TRPV2: variants seen among roughly 807,000 people sequenced by gnomAD.
TRPV2 encodes transient receptor potential cation channel subfamily V member 2.
TRPV2 carries 58 observed loss-of-function variants against 91.0 expected under a neutral mutation model. The observed-to-expected ratio is 0.64, with a 90% CI of 0.52 to 0.79. The LOEUF is 0.79. TRPV2 is among the 30% of genes least tolerant of loss of function. The pLI is 0.00. For synonymous variants in TRPV2, 417 were observed against 414.8 expected (o/e 1.01, Z -0.06); for missense variants, 807 against 969.6 (o/e 0.83, Z 2.23).
rs1192270299 is a variant in TRPV2 at position 16,426,063 on chromosome 17, G to C, written c.925-36G>C. ...TTGGCCCAGGATCAGTGCCAGGAAG[G>C]GACCATGAATGCAAGCTCATATGGC... On this transcript the variant is annotated intron_variant, in intron 5 of 14. Transcript: ENST00000338560. This position sits in a 1 kb window ranked among gnomAD's most constrained non-coding sequence, Gnocchi z 6.0. The C allele has an allele frequency of 6.2e-7, 1 of 1,611,704 alleles. No individual in the cohort carries two copies. The highest frequency in any genetic ancestry group is 8.5e-7 in the Non-Finnish European group (1 of 1,178,256).
intron 9 of TRPV2, 56 bp from the exon 10 acceptor site, chr17:16,428,761 G>C: frequency 6.2e-7 from 1 of 1,604,410 alleles, no homozygotes; most frequent in Non-Finnish European, 8.5e-7. Flanking sequence ...ATAGGCCAGT[G>C]GGGGCTCAGG....
rs558301965 is a variant in TRPV2, at chr17:16,422,151, A to G, written c.335-448A>G. Among the ~76,000 whole-genome samples, 29 of 151,954 alleles carry G rather than the reference A, an allele frequency of 1.9e-4. No homozygotes were observed. The South Asian group carries it at 2.1e-3, about 11-fold the overall frequency. ...AACCCGTCTCTGCTGAAAACAAAAA[A>G]CAAAACAAAACAACAAAAAAAATTA... On this transcript the variant is annotated intron_variant, in intron 3 of 14. Transcript: ENST00000338560.
Position 16,432,119 on chromosome 17 carries a change from T to G in TRPV2, c.1808T>G (p.Phe603Cys), listed in dbSNP as rs907287227. 1 of 1,614,206 alleles carries G rather than the reference T, an allele frequency of 6.2e-7. No individual in the cohort carries two copies. The highest frequency in any genetic ancestry group is 8.5e-7 in the Non-Finnish European group (1 of 1,180,034). ...GAAGCCTCCTTGGAGCTCTTCAAATTCACCATCGGCATGGGCGAGCTGGCC... is the reference window on the plus strand; with the variant it reads ...GAAGCCTCCTTGGAGCTCTTCAAATGCACCATCGGCATGGGCGAGCTGGCC... ...ILEASLELFK[F>C]TIGMGELAFQ... Residue 603 changes from phenylalanine to cysteine, a missense_variant, in exon 12 of 15, where the codon TTC (phenylalanine) becomes TGC (cysteine). Physicochemically the swap from Phe to Cys is radical, Grantham distance 205. Transcript: ENST00000338560.
At chr17:16,427,342 G>T (rs1358036022) in intron 7 of TRPV2, 107 bp from the exon 8 acceptor site, 1 of 1,044,812 alleles carries the variant, frequency 9.6e-7, no homozygotes, top group Non-Finnish European at 1.4e-6. Flanking sequence ...GTTCTGAGGA[G>T]CCTCTCCACA....
chr17:16,428,610 AC>A, intron 9 of TRPV2: 1 of 706,838 alleles, frequency 1.4e-6, no homozygotes, highest in Non-Finnish European at 2.4e-6. Flanking sequence ...AGGCCTCGGC[AC>A]ATACCTGTTT....
At chr17:16,431,131 C>T (rs12938762) in intron 10 of TRPV2, among the ~76,000 whole-genome samples, 12,809 of 148,188 alleles carry the variant, frequency 0.086, 776 homozygotes, top group Non-Finnish European at 0.14. Flanking sequence ...AGCTCATTGC[C>T]GCCTTGACAT....
At position 16,431,876 on chromosome 17, in the gene TRPV2, C is replaced by T. The variant is rs769207586; in HGVS notation, c.1654+26C>T. The stretch of plus-strand genomic sequence containing the variant: ...GTAAAGGCTCCCTCCGGCCCCCTCC[C>T]CCTTCCCCACGTTCCTTGTCCACCC... On this transcript the variant is annotated intron_variant, in intron 11 of 14. Transcript: ENST00000338560. 1.8e-5 allele frequency: 29 copies of T among 1,613,986 alleles called. 1 individual carries two copies. The South Asian group carries it at 3.2e-4, about 18-fold the overall frequency.
In TRPV2 at chr17:16,421,545, G is replaced by A. The variant is rs139033431; in HGVS notation, c.335-1054G>A. 4.2e-3 allele frequency among the ~76,000 whole-genome samples: 528 copies of A among 126,292 alleles called. 3 individuals are homozygous for A. Among genetic ancestry groups the A allele is most frequent in the African/African-American group, 0.016 (514 of 32,460 alleles). The allele number at this position is 126,292 out of a possible 152,430, so 82.9% of individuals were successfully genotyped here. On this transcript the variant is annotated intron_variant, in intron 3 of 14. Coordinates refer to ENST00000338560, the MANE Select transcript of TRPV2 (RefSeq NM_016113.5). ...TTTTTTTTTTTTTTTTTTCCGAGAC[G>A]GAGTCTTGCTCTGTCACCCAGGCTG... is the stretch of plus-strand genomic sequence containing the variant.
chr17:16,418,064 C>A (rs1037082890), intron 2 of TRPV2, among the ~76,000 whole-genome samples, 196 bp downstream of exon 2: 1 of 152,240 alleles, frequency 6.6e-6, no homozygotes, highest in Non-Finnish European at 1.5e-5. Flanking sequence ...TTTCCAGAGG[C>A]TTCCCCATTC....
At position 16,435,834 on chromosome 17, in the gene TRPV2, T is replaced by C. The variant is rs539287111; in HGVS notation, c.2194+865T>C. Among the ~76,000 whole-genome samples, 2 of 152,260 alleles carry C rather than the reference T, an allele frequency of 1.3e-5. No homozygotes were observed. The highest frequency in any genetic ancestry group is 4.8e-5 in the African/African-American group (2 of 41,562). On this transcript the variant is annotated intron_variant, in intron 14 of 14. Transcript: ENST00000338560. The surrounding 1 kb of genome is among the most constrained non-coding windows in gnomAD (Gnocchi z 4.2). ...TCCCAGGCTCCTGGGCCGTGACCAC[T>C]GCCTCACATACAGATAGGTTTCCCT...
rs187403204 is a variant in TRPV2, at chr17:16,422,101, G to C, written c.335-498G>C. ...GGGCAGATCATGAGATCAGGAGATC[G>C]AGACCATCCTGGCTAACACGGTAAA... On this transcript the variant is annotated intron_variant, in intron 3 of 14. Transcript: ENST00000338560. Among the ~76,000 whole-genome samples, 672 of 151,734 alleles carry C rather than the reference G, an allele frequency of 4.4e-3. 4 individuals carry two copies. The highest frequency in any genetic ancestry group is 0.016 in the African/African-American group (649 of 41,458).
Position 16,426,838 on chromosome 17 carries a change from C to T in TRPV2, c.1212C>T (p.Ile404=), listed in dbSNP as rs200069259. ...NFLCNLIYMF[I]FTAVAYHQPT... is the part of the protein sequence containing the mutation. Reference sequence around the variant, plus strand: ...TGTGTAATCTGATCTACATGTTCATCTTCACCGCTGTTGCCTACCATCAGC... The same window carrying T: ...TGTGTAATCTGATCTACATGTTCATTTTCACCGCTGTTGCCTACCATCAGC... The change falls in exon 7 of 15, where the codon ATC becomes ATT. Residue 404 remains isoleucine, a synonymous_variant. Coordinates refer to ENST00000338560, the MANE Select transcript of TRPV2 (RefSeq NM_016113.5). The surrounding 1 kb of genome is among the most constrained non-coding windows in gnomAD (Gnocchi z 6.0). The T allele has an allele frequency of 2.5e-6, 4 of 1,613,808 alleles. No homozygotes were observed. The highest frequency in any genetic ancestry group is 1.7e-5 in the Admixed American group (1 of 59,972).
intron 14 of TRPV2, among the ~76,000 whole-genome samples, chr17:16,436,470 T>G (rs2093434314): frequency 6.6e-6 from 1 of 152,206 alleles, no homozygotes; most frequent in African/African-American, 2.4e-5. Context: ...CCACCGCCCC[T>G]GCAGGACAGG....
At chr17:16,417,935 G>A (rs1187097483) in intron 2 of TRPV2, 67 bp downstream of exon 2, 3 of 1,452,454 alleles carry the variant, frequency 2.1e-6, no homozygotes, top group East Asian at 4.9e-5. Flanking sequence ...CACCCGGAGT[G>A]AGACTCATTG....
At chr17:16,425,251 C>T (rs1300033702) in intron 5 of TRPV2, among the ~76,000 whole-genome samples, 1 of 151,832 alleles carries the variant, frequency 6.6e-6, no homozygotes, top group South Asian at 2.1e-4. Context: ...CTCAAACTCC[C>T]GACCTCTGGT....
Position 16,436,996 on chromosome 17 carries a change from C to G in TRPV2, c.*107C>G, listed in dbSNP as rs1248347642. On this transcript the variant is annotated 3_prime_UTR_variant, in exon 15 of 15. Transcript: ENST00000338560. ...TTCTGGTGGCAAATATATATTTTCA[C>G]TAACTAACTCTTCTGGAAACATTAT... is the stretch of plus-strand genomic sequence containing the variant. The G allele has an allele frequency of 1.2e-5, 10 of 860,656 alleles. No individual in the cohort carries two copies. The highest frequency in any genetic ancestry group is 1.9e-5 in the Non-Finnish European group (10 of 532,240). The allele number at this position is 860,656 out of a possible 1,614,324, so 53.3% of individuals were successfully genotyped here.
intron 2 of TRPV2, chr17:16,419,196 G>A: frequency 2.6e-6 from 1 of 388,762 alleles, no homozygotes; most frequent in Non-Finnish European, 5.2e-6. Context: ...GGTACCAGAA[G>A]CCCCAGAGGC....
Position 16,432,092 on chromosome 17 carries a change from T to G in TRPV2, c.1781T>G (p.Leu594Arg), listed in dbSNP as rs2093415924. The G allele has an allele frequency of 1.9e-6, 3 of 1,614,220 alleles. No homozygotes were observed. Among genetic ancestry groups the G allele is most frequent in the Non-Finnish European group, 2.5e-6 (3 of 1,180,024 alleles). Residue 594 changes from leucine to arginine, a missense_variant, in exon 12 of 15, where the codon CTG (leucine) becomes CGG (arginine). Leu to Arg is a moderately radical substitution (Grantham distance 102). Coordinates refer to ENST00000338560, the MANE Select transcript of TRPV2 (RefSeq NM_016113.5). ...EGNGAQYRGI[L>R]EASLELFKFT... ...AACGGGGCCCAGTACAGGGGTATCC[T>G]GGAAGCCTCCTTGGAGCTCTTCAAA...
rs150655597 is a variant in TRPV2, at chr17:16,422,633, T to C, written c.369T>C (p.Ala123=). ...GSTGKTCLMK[A]VLNLKDGVNA... The stretch of plus-strand genomic sequence containing the variant: ...CAGGTAAGACGTGCCTGATGAAGGC[T>C]GTGCTGAACCTTAAGGACGGAGTCA... The change falls in exon 4 of 15, where the codon GCT becomes GCC. Residue 123 remains alanine, a synonymous_variant. Transcript: ENST00000338560. The C allele has an allele frequency of 5.0e-4, 813 of 1,614,198 alleles. 7 individuals carry two copies. In the African/African-American group the frequency reaches 9.4e-3, roughly 19 times the overall value.
Sources: gnomAD v4.1 joint callset for allele counts (sites outside exome capture counted in the v4.1 genomes callset) on GRCh38, gnomAD v4.1.1 for gene constraint, Gnocchi (gnomAD v3.1) non-coding constraint, MANE v1.5 for transcripts, NCBI Gene and HGNC (gene_info 2026-07-23, HGNC 2026-07-21) for gene names.